MMP26: variants seen among roughly 807,000 people sequenced by gnomAD.
MMP26 encodes matrix metallopeptidase 26, also known as matrix metalloproteinase-26.
Under a neutral mutation model 31.0 loss-of-function variants are expected in MMP26, and 33 were observed. That is an observed-to-expected ratio of 1.06 (90% confidence interval 0.81 to 1.42). MMP26 has a LOEUF of 1.42. Ranked by LOEUF, MMP26 falls within the 40% of genes most tolerant of loss-of-function variation. The pLI, the probability that MMP26 is intolerant of heterozygous loss-of-function variation, is 0.00. For synonymous variants in MMP26, 122 were observed against 114.9 expected (o/e 1.06, Z -0.40); for missense variants, 347 against 316.1 (o/e 1.10, Z -0.74).
intron 2 of MMP26, among the ~76,000 whole-genome samples, chr11:4,826,808 C>G (rs537382978): frequency 6.6e-6 from 1 of 152,090 alleles, no homozygotes; most frequent in East Asian, 1.9e-4. Flanking sequence ...ATCCAGATAC[C>G]ATTATGGGTG....
chr11:4,761,862 G>A (rs1848572400), intron 1 of MMP26, among the ~76,000 whole-genome samples: 1 of 152,002 alleles, frequency 6.6e-6, no homozygotes, highest in South Asian at 2.1e-4. Flanking sequence ...ATAAACAAAT[G>A]GATTTCTACA....
rs1589905130 is a variant in MMP26 at position 4,802,903 on chromosome 11, C to CTTATAGGACATCTATAAGA, written c.-145+35564_-145+35565insATAGGACATCTATAAGATT. ...GCACCTGATATTCAACAGAGTATTG[C>CTTATAGGACATCTATAAGA]TTCATCTGTAATCTTATAGGACAAT... On this transcript the variant is annotated intron_variant, in intron 2 of 7. Transcript: ENST00000380390. 3.9e-5 allele frequency among the ~76,000 whole-genome samples: 6 copies of CTTATAGGACATCTATAAGA among 152,176 alleles called. No homozygotes were observed. In the East Asian group the frequency reaches 1.2e-3, roughly 29 times the overall value.
At chr11:4,936,181 A>C (rs1175094453) in intron 2 of MMP26, among the ~76,000 whole-genome samples, 5 of 148,584 alleles carry the variant, frequency 3.4e-5, no homozygotes, top group Non-Finnish European at 5.9e-5. Flanking sequence ...CCTCTGGTAG[A>C]ATTCGGCTGT....
intron 1 of MMP26, among the ~76,000 whole-genome samples, chr11:4,756,973 A>T (rs1386719854): frequency 6.6e-6 from 1 of 152,186 alleles, no homozygotes; most frequent in African/African-American, 2.4e-5. Flanking sequence ...AATTTAATGT[A>T]ATATCAACAA....
At chr11:4,854,472 A>G (rs1365210348) in intron 2 of MMP26, among the ~76,000 whole-genome samples, 1 of 152,204 alleles carries the variant, frequency 6.6e-6, no homozygotes, top group Non-Finnish European at 1.5e-5. Flanking sequence ...TTGCTAGCAC[A>G]GTGGTCCAAG....
At chr11:4,755,841 C>T (rs1848498527) in intron 1 of MMP26, among the ~76,000 whole-genome samples, 1 of 151,868 alleles carries the variant, frequency 6.6e-6, no homozygotes, top group Admixed American at 6.6e-5. Context: ...TCTTGTTTTG[C>T]ACTAGAGAGT....
intron 2 of MMP26, chr11:4,860,239 A>G: frequency 2.1e-6 from 1 of 471,240 alleles, no homozygotes; most frequent in Non-Finnish European, 4.4e-6. Context: ...TACTATTCCA[A>G]ATACATGGAT....
chr11:4,741,448 A>G (rs1848310291), intron 1 of MMP26, among the ~76,000 whole-genome samples: 1 of 152,246 alleles, frequency 6.6e-6, no homozygotes, highest in South Asian at 2.1e-4. Flanking sequence ...TGGTACATAT[A>G]CCATGCATAC....
At chr11:4,881,958 C>G in intron 2 of MMP26, 2 of 1,613,874 alleles carry the variant, frequency 1.2e-6, no homozygotes, top group South Asian at 1.1e-5. Flanking sequence ...ACTGCATTCC[C>G]TGGGCTGGAA....
chr11:4,960,290 A>T (rs774338088), intron 2 of MMP26, among the ~76,000 whole-genome samples: 1 of 151,924 alleles, frequency 6.6e-6, no homozygotes, highest in East Asian at 1.9e-4. Context: ...ACTAGTATCA[A>T]TGGAGCTCAA....
rs371051446 is a variant in MMP26 at position 4,983,919 on chromosome 11, T to C, written c.-144-4149T>C. ...TAATATCCACAGGCGATTCTATGCA[T>C]ATTACATTTTGAGAAACACTGTTGT... On this transcript the variant is annotated intron_variant, in intron 2 of 7. Coordinates refer to ENST00000380390, the MANE Select transcript of MMP26 (RefSeq NM_021801.5). 5.3e-5 allele frequency among the ~76,000 whole-genome samples: 8 copies of C among 152,352 alleles called. No individual in the cohort carries two copies. In the South Asian group the frequency reaches 1.2e-3, roughly 24 times the overall value.
At chr11:4,791,403 A>T (rs1849024801) in intron 2 of MMP26, among the ~76,000 whole-genome samples, 1 of 152,106 alleles carries the variant, frequency 6.6e-6, no homozygotes, top group African/African-American at 2.4e-5. Flanking sequence ...AGAGAGTTTT[A>T]CTAACTTAGT....
intron 2 of MMP26, chr11:4,848,940 A>C: frequency 6.2e-7 from 1 of 1,614,092 alleles, no homozygotes; most frequent in Non-Finnish European, 8.5e-7. Flanking sequence ...GGCGATGCCC[A>C]GCAGTGTGGG....
chr11:4,722,601 C>A, intron 1 of MMP26: 1 of 558,618 alleles, frequency 1.8e-6, no homozygotes, highest in Non-Finnish European at 3.2e-6. Context: ...TAAACTCCCC[C>A]GTGGGTGGGC....
chr11:4,931,465 C>G (rs1336851271), intron 2 of MMP26, among the ~76,000 whole-genome samples: 1 of 151,892 alleles, frequency 6.6e-6, no homozygotes, highest in Admixed American at 6.6e-5. Flanking sequence ...ACAAAACACG[C>G]AAACATATAA....
At chr11:4,930,498 C>A (rs1039689772) in intron 2 of MMP26, among the ~76,000 whole-genome samples, 1 of 152,070 alleles carries the variant, frequency 6.6e-6, no homozygotes, top group Non-Finnish European at 1.5e-5. Context: ...TTTGGGCTGG[C>A]AGAAAATTTA....
At chr11:4,980,788 G>T (rs1450407779) in intron 2 of MMP26, among the ~76,000 whole-genome samples, 1 of 151,874 alleles carries the variant, frequency 6.6e-6, no homozygotes, top group Non-Finnish European at 1.5e-5. Flanking sequence ...GGAAGTATTT[G>T]TGGACATTAA....
At chr11:4,965,286 G>C (rs1473267356) in intron 2 of MMP26, among the ~76,000 whole-genome samples, 1 of 152,090 alleles carries the variant, frequency 6.6e-6, no homozygotes, top group Non-Finnish European at 1.5e-5. Flanking sequence ...CTAGCAAGCC[G>C]AGATCCTTGG....
At chr11:4,769,617 C>T (rs1332196768) in intron 2 of MMP26, 4 of 1,610,988 alleles carry the variant, frequency 2.5e-6, no homozygotes, top group Non-Finnish European at 2.5e-6. Flanking sequence ...AACATCTGGA[C>T]AATGCAGCTA....
Sources: allele counts gnomAD v4.1 joint callset (sites outside exome capture counted in the v4.1 genomes callset), GRCh38; gene constraint gnomAD v4.1.1; transcripts MANE v1.5; gene names NCBI Gene and HGNC (gene_info 2026-07-23, HGNC 2026-07-21).